The following COG5 variants were observed in gnomAD, a reference collection of about 807,000 sequenced individuals.
COG5 encodes conserved oligomeric Golgi complex subunit 5.
COG5 carries 86 observed loss-of-function variants against 110.4 expected under a neutral mutation model. That is an observed-to-expected ratio of 0.78 (90% confidence interval 0.65 to 0.93). The LOEUF is 0.93. Ranked by LOEUF, COG5 falls within the 40% of genes least tolerant of loss-of-function variation. The pLI is 0.00. For synonymous variants in COG5, 360 were observed against 334.6 expected, an observed-to-expected ratio of 1.08 and a Z score of -0.83; for missense variants, 1,077 against 987.0, an observed-to-expected ratio of 1.09 and a Z score of -1.22.
intron 12 of COG5, among the ~76,000 whole-genome samples, chr7:107,287,361 T>C (rs999724496): frequency 2.6e-5 from 4 of 152,212 alleles, no homozygotes; most frequent in African/African-American, 9.6e-5. Flanking sequence ...CTTGTGATAG[T>C]TCTTGTTATC....
At chr7:107,383,859 T>C (rs1786782623) in intron 7 of COG5, among the ~76,000 whole-genome samples, 1 of 152,136 alleles carries the variant, frequency 6.6e-6, no homozygotes, top group African/African-American at 2.4e-5. Flanking sequence ...TAGGGGACAC[T>C]CCCTTCAGAT....
intron 6 of COG5, among the ~76,000 whole-genome samples, chr7:107,521,100 A>G (rs1477340390): frequency 6.6e-6 from 1 of 152,166 alleles, no homozygotes; most frequent in African/African-American, 2.4e-5. Flanking sequence ...TATGCAGAAA[A>G]CTGAAACTGC....
At chr7:107,319,828 T>C (rs980767055) in intron 11 of COG5, among the ~76,000 whole-genome samples, 1 of 152,074 alleles carries the variant, frequency 6.6e-6, no homozygotes, top group African/African-American at 2.4e-5. Context: ...CTGGGTGTGG[T>C]AGTGCTCTTG....
chr7:107,426,751 G>A (rs1462145868), intron 6 of COG5, among the ~76,000 whole-genome samples: 1 of 152,176 alleles, frequency 6.6e-6, no homozygotes, highest in Non-Finnish European at 1.5e-5. Flanking sequence ...GTTGTTGCTA[G>A]AATGGCCCCA....
intron 14 of COG5, among the ~76,000 whole-genome samples, chr7:107,259,424 TCAATA>T (rs1803146472): frequency 6.6e-6 from 1 of 152,068 alleles, no homozygotes; most frequent in Non-Finnish European, 1.5e-5. Context: ...TCCAACTTAA[TCAATA>T]ATGTGGTGAA....
chr7:107,432,896 T>C (rs989063603), intron 6 of COG5, among the ~76,000 whole-genome samples: 1 of 152,212 alleles, frequency 6.6e-6, no homozygotes, highest in East Asian at 1.9e-4. Context: ...AAATTATCTC[T>C]GTTCACAGAT....
In COG5 at chr7:107,552,134, A is replaced by G. The variant is rs528588948; in HGVS notation, c.292+2151T>C. 2.0e-5 allele frequency among the ~76,000 whole-genome samples: 3 copies of G among 152,304 alleles called. No homozygotes were observed. In the East Asian group the frequency reaches 5.8e-4, roughly 29 times the overall value. On this transcript the variant is annotated intron_variant, in intron 3 of 21. Coordinates refer to ENST00000297135, the MANE Select transcript of COG5 (RefSeq NM_006348.5). Reference sequence around the variant, plus strand: ...ACATATTTAAAAACCACAATGAGAAATATTTCTGTTGCGGTGATTCATCTA... The same window carrying G: ...ACATATTTAAAAACCACAATGAGAAGTATTTCTGTTGCGGTGATTCATCTA...
chr7:107,397,409 C>T (rs779296904), intron 7 of COG5, among the ~76,000 whole-genome samples: 3 of 152,182 alleles, frequency 2.0e-5, no homozygotes, highest in Admixed American at 6.5e-5. Flanking sequence ...ACCACCTACA[C>T]CCAGTCAAAT....
At chr7:107,558,770 C>T (rs1372523840) in intron 1 of COG5, among the ~76,000 whole-genome samples, 1 of 151,026 alleles carries the variant, frequency 6.6e-6, no homozygotes, top group Non-Finnish European at 1.5e-5. Flanking sequence ...CGCCTGTAGT[C>T]CCAGCTACTC....
At chr7:107,271,470 T>C (rs1804265667) in intron 14 of COG5, among the ~76,000 whole-genome samples, 1 of 152,160 alleles carries the variant, frequency 6.6e-6, no homozygotes, top group East Asian at 1.9e-4. Context: ...TCAACACAAC[T>C]TATAGTTTTC....
chr7:107,281,036 C>T (rs903032922), intron 14 of COG5, among the ~76,000 whole-genome samples: 3 of 151,486 alleles, frequency 2.0e-5, no homozygotes, highest in Non-Finnish European at 4.4e-5. Flanking sequence ...ATAATTAGGC[C>T]ATTAATTGGC....
chr7:107,562,936 A>G (rs1238607316), intron 1 of COG5, among the ~76,000 whole-genome samples: 1 of 152,220 alleles, frequency 6.6e-6, no homozygotes, highest in Admixed American at 6.5e-5. Context: ...GTGGGATATT[A>G]AAAAAAGTTT....
intron 12 of COG5, among the ~76,000 whole-genome samples, chr7:107,288,858 T>C (rs1257619138): frequency 1.4e-5 from 2 of 145,154 alleles, no homozygotes; most frequent in Admixed American, 1.4e-4. Flanking sequence ...CTAAGAATTA[T>C]TTACCAAATC....
intron 21 of COG5, chr7:107,209,185 A>C: frequency 1.0e-6 from 1 of 985,482 alleles, no homozygotes; most frequent in South Asian, 4.7e-5. Flanking sequence ...CCAGACCAAC[A>C]GAATTGGGAT....
At position 107,203,104 on chromosome 7, in the gene COG5, G is replaced by A; in HGVS notation, c.*412C>T. ...TTGGTATGAATGTGCAGCCAAATTT[G>A]GAAACCACTGAGCTACATGCTTATT... On this transcript the variant is annotated 3_prime_UTR_variant, in exon 22 of 22. Transcript: ENST00000297135. 5.3e-6 allele frequency: 1 copy of A among 188,004 alleles called. No individual in the cohort carries two copies. Among genetic ancestry groups the A allele is most frequent in the East Asian group, 1.3e-4 (1 of 7,476 alleles). The allele number at this position is 188,004 out of a possible 1,614,324, so 11.6% of individuals were successfully genotyped here. A position where few individuals can be genotyped will look rare whatever the true frequency, so the allele number is the denominator to read the frequency against.
At chr7:107,486,674 A>T (rs1016633633) in intron 6 of COG5, among the ~76,000 whole-genome samples, 1 of 152,222 alleles carries the variant, frequency 6.6e-6, no homozygotes, top group African/African-American at 2.4e-5. Context: ...AAAAAAGGAA[A>T]ATAGACAAAC....
At chr7:107,466,642 T>G (rs928178202) in intron 6 of COG5, among the ~76,000 whole-genome samples, 2 of 152,228 alleles carry the variant, frequency 1.3e-5, no homozygotes, top group Non-Finnish European at 2.9e-5. Context: ...ATGGTCCATT[T>G]CTATTTTTCT....
At chr7:107,498,904 C>A (rs1297253352) in intron 6 of COG5, among the ~76,000 whole-genome samples, 1 of 152,072 alleles carries the variant, frequency 6.6e-6, no homozygotes, top group East Asian at 1.9e-4. Context: ...AAATGTCCAC[C>A]AGCTGATGAC....
chr7:107,415,227 G>A (rs1792633475), intron 6 of COG5, among the ~76,000 whole-genome samples: 1 of 152,196 alleles, frequency 6.6e-6, no homozygotes, highest in African/African-American at 2.4e-5. Flanking sequence ...TGAAAGGAAT[G>A]AGGAGGGTAA....
Sources: gnomAD v4.1 joint callset for allele counts (sites outside exome capture counted in the v4.1 genomes callset) on GRCh38, gnomAD v4.1.1 for gene constraint, MANE v1.5 for transcripts, NCBI Gene and HGNC (gene_info 2026-07-23, HGNC 2026-07-21) for gene names.